Variants in UPF2 observed in about 807,000 individuals in gnomAD.
UPF2 encodes the protein UPF2 regulator of nonsense mediated mRNA decay.
In UPF2, 17 loss-of-function variants were observed where a neutral mutation model predicts 141.4. That is an observed-to-expected ratio of 0.12 (90% CI 0.08 to 0.18). The LOEUF is 0.18. Among genes scored for constraint, UPF2 ranks in the 10% least tolerant of loss-of-function variants. UPF2 has a pLI of 1.00. For missense variants in UPF2, 1,152 were observed against 1,515.9 expected (o/e 0.76, Z 3.99); for synonymous variants, 540 against 498.0 (o/e 1.08, Z -1.12).
intron 19 of UPF2, among the ~76,000 whole-genome samples, chr10:11,934,142 T>A (rs755032144): frequency 6.6e-6 from 1 of 152,210 alleles, no homozygotes; most frequent in Non-Finnish European, 1.5e-5. Flanking sequence ...GAAGGAGATC[T>A]AAAACGTGAT....
chr10:11,967,529 C>T (rs1376442631), intron 9 of UPF2, 75 bp from the exon 10 acceptor site: 1 of 645,284 alleles, frequency 1.5e-6, no homozygotes, highest in Non-Finnish European at 2.5e-6. Flanking sequence ...TATTTTAATG[C>T]ATTCGAATTC....
At chr10:11,971,768 A>T (rs1238189689) in intron 9 of UPF2, among the ~76,000 whole-genome samples, 1 of 152,188 alleles carries the variant, frequency 6.6e-6, no homozygotes, top group Admixed American at 6.5e-5. Context: ...GTATATACTA[A>T]TTAAAACTCT....
intron 1 of UPF2, among the ~76,000 whole-genome samples, chr10:12,038,378 T>TCACCCA (rs71380802): frequency 7.4e-6 from 1 of 135,844 alleles, no homozygotes; most frequent in East Asian, 2.2e-4. Flanking sequence ...AGACTCCATC[T>TCACCCA]CACACACACA....
chr10:11,953,895 A>G lies in UPF2; in HGVS notation c.2850+1337T>C, dbSNP rs1833108893. Among the ~76,000 whole-genome samples, 1 of 152,204 alleles carries G rather than the reference A, an allele frequency of 6.6e-6. No individual in the cohort carries two copies. Among genetic ancestry groups the G allele is most frequent in the African/African-American group, 2.4e-5 (1 of 41,450 alleles). On this transcript the variant is annotated intron_variant, in intron 14 of 21. Transcript: ENST00000357604. The surrounding 1 kb of genome is among the most constrained non-coding windows in gnomAD (Gnocchi z 5.0). ...ATTTACCCCCAACTTAACACACGCCACCATGTGGATGTATTTTTGATACTT... is the reference window on the plus strand; with the variant it reads ...ATTTACCCCCAACTTAACACACGCCGCCATGTGGATGTATTTTTGATACTT...
intron 9 of UPF2, among the ~76,000 whole-genome samples, chr10:11,969,626 C>T (rs1194974788): frequency 6.6e-6 from 1 of 152,158 alleles, no homozygotes; most frequent in Non-Finnish European, 1.5e-5. Flanking sequence ...AGAAGTACAG[C>T]CTTCATAAAG....
chr10:11,966,867 G>C (rs61846683), intron 10 of UPF2, among the ~76,000 whole-genome samples: 1 of 152,196 alleles, frequency 6.6e-6, no homozygotes, highest in African/African-American at 2.4e-5. Flanking sequence ...ATATGTATGG[G>C]ATGTTTCAGT....
rs535901265 is a variant in UPF2 at position 12,030,527 on chromosome 10, G to A, written c.366-1003C>T. Among the ~76,000 whole-genome samples, 25 of 148,526 alleles carry A rather than the reference G, an allele frequency of 1.7e-4. No homozygotes were observed. The South Asian group carries it at 3.3e-3, about 19-fold the overall frequency. On this transcript the variant is annotated intron_variant, in intron 2 of 21. Coordinates refer to ENST00000357604, the MANE Select transcript of UPF2 (RefSeq NM_015542.4). ...TGCACTCCAACCTGGGCAACAGAGC[G>A]AGACTCTGCCTCAAAAAATAATAAT...
At chr10:11,977,347 T>C (rs1417699360) in intron 9 of UPF2, among the ~76,000 whole-genome samples, 1 of 152,124 alleles carries the variant, frequency 6.6e-6, no homozygotes, top group Non-Finnish European at 1.5e-5. Flanking sequence ...GTGATCAAGT[T>C]TGTAGAGTGC....
chr10:11,921,710 G>T lies in UPF2; in HGVS notation c.3810-403C>A, dbSNP rs1403540136. Among the ~76,000 whole-genome samples the T allele has an allele frequency of 6.6e-6, 1 of 152,144 alleles. No individual in the cohort carries two copies. Among genetic ancestry groups the T allele is most frequent in the Non-Finnish European group, 1.5e-5 (1 of 68,032 alleles). Reference sequence around the variant, plus strand: ...GAAGCAACCCCCTGTGGATACCGAGGACAACTGTAGTGCTTTTTTGAGAGC... The same window carrying T: ...GAAGCAACCCCCTGTGGATACCGAGTACAACTGTAGTGCTTTTTTGAGAGC... On this transcript the variant is annotated intron_variant, in intron 21 of 21. Transcript: ENST00000357604. This position sits in a 1 kb window ranked among gnomAD's most constrained non-coding sequence, Gnocchi z 5.9.
At chr10:11,987,034 C>A (rs1470874920) in intron 8 of UPF2, among the ~76,000 whole-genome samples, 1 of 152,230 alleles carries the variant, frequency 6.6e-6, no homozygotes, top group East Asian at 1.9e-4. Flanking sequence ...ATACTTTAAA[C>A]ATAAGGAAAG....
intron 4 of UPF2, among the ~76,000 whole-genome samples, chr10:12,009,334 A>G (rs911076214): frequency 5.9e-5 from 9 of 152,208 alleles, no homozygotes; most frequent in Admixed American, 1.3e-4. Flanking sequence ...CAGAACAACC[A>G]TACAAAAGGA....
intron 4 of UPF2, among the ~76,000 whole-genome samples, chr10:12,011,426 C>A (rs1386981336): frequency 6.7e-6 from 1 of 150,024 alleles, no homozygotes; most frequent in Non-Finnish European, 1.5e-5. Context: ...GGTGAAACCC[C>A]ATCTCTACTA....
chr10:11,983,226 G>A (rs909641148), intron 8 of UPF2, among the ~76,000 whole-genome samples: 3 of 152,140 alleles, frequency 2.0e-5, no homozygotes, highest in Non-Finnish European at 4.4e-5. Context: ...TCAAGCAAAA[G>A]CTAATTTATC....
intron 8 of UPF2, among the ~76,000 whole-genome samples, chr10:11,993,494 A>G (rs1038742860): frequency 3.9e-5 from 6 of 151,998 alleles, no homozygotes; most frequent in African/African-American, 9.7e-5. Flanking sequence ...TACTGACTAT[A>G]TAATTAGAGA....
At chr10:12,036,061 C>T (rs990817410) in intron 1 of UPF2, among the ~76,000 whole-genome samples, 3 of 152,196 alleles carry the variant, frequency 2.0e-5, no homozygotes, top group African/African-American at 7.2e-5. Context: ...ACTTCTTCAT[C>T]TGTATTAGTT....
Position 11,956,529 on chromosome 10 carries a change from A to T in UPF2, c.2371-6T>A, listed in dbSNP as rs143704496. 521 of 1,612,268 alleles carry T rather than the reference A, an allele frequency of 3.2e-4. 2 individuals carry two copies. In the African/African-American group the frequency reaches 5.4e-3, roughly 17 times the overall value. On this transcript the variant is annotated splice_region_variant and splice_polypyrimidine_tract_variant and intron_variant, in intron 12 of 21. Transcript: ENST00000357604. The surrounding 1 kb of genome is among the most constrained non-coding windows in gnomAD (Gnocchi z 4.2). Reference sequence around the variant, plus strand: ...TTTCGCATCTGTCTCAAAACCTAAAAAAAGAGAATTTTGTTCAAATTATTA... The same window carrying T: ...TTTCGCATCTGTCTCAAAACCTAAATAAAGAGAATTTTGTTCAAATTATTA...
chr10:11,944,393 C>CT (rs1325934419), intron 16 of UPF2, among the ~76,000 whole-genome samples: 1 of 152,088 alleles, frequency 6.6e-6, no homozygotes, highest in East Asian at 1.9e-4. Context: ...ACTCAGGAGT[C>CT]TGAGGCAGGA....
intron 21 of UPF2, among the ~76,000 whole-genome samples, chr10:11,924,654 G>T (rs1832688682): frequency 6.6e-6 from 1 of 151,894 alleles, no homozygotes; most frequent in Admixed American, 6.6e-5. Context: ...CTGGAGTGCA[G>T]TGGTGTGATC....
At chr10:12,025,813 G>A (rs1283774579) in intron 3 of UPF2, among the ~76,000 whole-genome samples, 4 of 152,032 alleles carry the variant, frequency 2.6e-5, no homozygotes, top group South Asian at 2.1e-4. Flanking sequence ...TTTTTGTTTC[G>A]AGACAGGGTC....
Sources: gnomAD v4.1 joint callset for allele counts (sites outside exome capture counted in the v4.1 genomes callset) on GRCh38, gnomAD v4.1.1 for gene constraint, Gnocchi (gnomAD v3.1) non-coding constraint, MANE v1.5 for transcripts, NCBI Gene and HGNC (gene_info 2026-07-23, HGNC 2026-07-21) for gene names.